Variants in CAMTA1 observed in about 807,000 individuals in gnomAD.
CAMTA1 encodes the protein calmodulin-binding transcription activator 1.
A neutral mutation model predicts 170.9 loss-of-function variants in CAMTA1; 27 were observed. That is an observed-to-expected ratio of 0.16 (90% CI 0.12 to 0.22). The LOEUF is 0.22. Ranked by LOEUF, CAMTA1 falls within the 10% of genes least tolerant of loss-of-function variation. CAMTA1 has a pLI of 1.00. For synonymous variants in CAMTA1, 833 were observed against 891.5 expected, an observed-to-expected ratio of 0.93 and a Z score of 1.17; for missense variants, 1,619 against 2,217.2, an observed-to-expected ratio of 0.73 and a Z score of 5.42.
At chr1:7,036,661 G>C (rs1703640822) in intron 3 of CAMTA1, among the ~76,000 whole-genome samples, 1 of 152,188 alleles carries the variant, frequency 6.6e-6, no homozygotes, top group African/African-American at 2.4e-5. Flanking sequence ...GAGGTGATTG[G>C]CTTGTTATCT....
chr1:7,664,707 G>A lies in CAMTA1; in HGVS notation c.2160G>A (p.Gln720=), dbSNP rs748443086. The A allele has an allele frequency of 1.4e-5, 22 of 1,608,470 alleles. No individual in the cohort carries two copies. Among genetic ancestry groups the A allele is most frequent in the Middle Eastern group, 3.3e-4 (2 of 6,072 alleles). ...CTTGCAGCTCTGAGCACTACCTGCAGCCGGAGACCAACGGGGTAATCCGAA... is the reference window on the plus strand; with the variant it reads ...CTTGCAGCTCTGAGCACTACCTGCAACCGGAGACCAACGGGGTAATCCGAA... ...LQACSSEHYL[Q]PETNGVIRSA... is the part of the protein sequence containing the mutation. The change falls in exon 9 of 23, where the codon CAG becomes CAA. Residue 720 remains glutamine, a synonymous_variant. Coordinates refer to ENST00000303635, the MANE Select transcript of CAMTA1 (RefSeq NM_015215.4).
intron 3 of CAMTA1, among the ~76,000 whole-genome samples, chr1:6,915,993 A>G (rs1177498825): frequency 1.3e-5 from 2 of 152,050 alleles, no homozygotes; most frequent in African/African-American, 4.8e-5. Context: ...GGTCCCTGGC[A>G]CTTGGAGTGG....
intron 4 of CAMTA1, among the ~76,000 whole-genome samples, chr1:7,220,058 C>T (rs1660464795): frequency 6.6e-6 from 1 of 152,194 alleles, no homozygotes; most frequent in Admixed American, 6.5e-5. Flanking sequence ...GTTTAAGCCA[C>T]CCAGCCTCTG....
chr1:7,286,228 G>C lies in CAMTA1; in HGVS notation c.438+36602G>C, dbSNP rs1672329819. ...GTGATTGGGCCCTGAAGGGTGAGGA[G>C]GAGCAGGTCAGGCAGAGATGGGCAT... On this transcript the variant is annotated intron_variant, in intron 5 of 22. Transcript: ENST00000303635. The surrounding 1 kb of genome is among the most constrained non-coding windows in gnomAD (Gnocchi z 4.2). Among the ~76,000 whole-genome samples the C allele has an allele frequency of 6.6e-6, 1 of 152,228 alleles. No individual in the cohort carries two copies. Among genetic ancestry groups the C allele is most frequent in the South Asian group, 2.1e-4 (1 of 4,828 alleles).
intron 5 of CAMTA1, among the ~76,000 whole-genome samples, chr1:7,359,330 C>T (rs1461513892): frequency 1.3e-5 from 2 of 152,156 alleles, no homozygotes; most frequent in Non-Finnish European, 2.9e-5. Flanking sequence ...ACCTGGACAG[C>T]ACCATTCCCA....
At chr1:7,028,435 T>C (rs907237109) in intron 3 of CAMTA1, among the ~76,000 whole-genome samples, 17 of 152,336 alleles carry the variant, frequency 1.1e-4, no homozygotes, top group South Asian at 1.0e-3. Context: ...TCTTGGTTTC[T>C]CCAACTTCTG....
At chr1:6,978,249 A>G (rs775508692) in intron 3 of CAMTA1, among the ~76,000 whole-genome samples, 8 of 152,254 alleles carry the variant, frequency 5.3e-5, no homozygotes, top group Non-Finnish European at 1.0e-4. Context: ...AACACAAAAG[A>G]TAAATGCTTG....
In CAMTA1 at chr1:7,476,261, C is replaced by T. The variant is rs764451222; in HGVS notation, c.510+8360C>T. ...GAGTGGCCAGGCCCTGACATTTGGG[C>T]CCTTGGATCCTTGCATGGACAGCAG... On this transcript the variant is annotated intron_variant, in intron 6 of 22. Coordinates refer to ENST00000303635, the MANE Select transcript of CAMTA1 (RefSeq NM_015215.4). 5.9e-5 allele frequency among the ~76,000 whole-genome samples: 9 copies of T among 152,202 alleles called. 1 individual carries two copies. Among genetic ancestry groups the T allele is most frequent in the Admixed American group, 2.0e-4 (3 of 15,286 alleles).
intron 5 of CAMTA1, among the ~76,000 whole-genome samples, chr1:7,428,188 G>A (rs919188536): frequency 2.0e-5 from 3 of 152,142 alleles, no homozygotes; most frequent in African/African-American, 7.2e-5. Context: ...GGAGACGTTG[G>A]TACTGTTGGG....
At chr1:6,933,268 C>T (rs1430669387) in intron 3 of CAMTA1, among the ~76,000 whole-genome samples, 2 of 152,042 alleles carry the variant, frequency 1.3e-5, no homozygotes, top group Non-Finnish European at 2.9e-5. Context: ...AATATTTTCT[C>T]CTGTGTTTTC....
In CAMTA1 at chr1:7,530,669, A is replaced by G. The variant is rs2094480411; in HGVS notation, c.510+62768A>G. Among the ~76,000 whole-genome samples, 3 of 152,150 alleles carry G rather than the reference A, an allele frequency of 2.0e-5. No individual in the cohort carries two copies. In the South Asian group the frequency reaches 6.2e-4, roughly 32 times the overall value. Reference sequence around the variant, plus strand: ...AGTCTCTGCCACTTTGAAGCTGCATATGGAGCACACAGTAGGGACTCATCA... The same window carrying G: ...AGTCTCTGCCACTTTGAAGCTGCATGTGGAGCACACAGTAGGGACTCATCA... On this transcript the variant is annotated intron_variant, in intron 6 of 22. Transcript: ENST00000303635.
chr1:7,029,372 G>T (rs1279117744), intron 3 of CAMTA1, among the ~76,000 whole-genome samples: 1 of 151,630 alleles, frequency 6.6e-6, no homozygotes, highest in Non-Finnish European at 1.5e-5. Flanking sequence ...CGTGGTGGCG[G>T]GTGCCTGTAG....
chr1:7,119,021 C>T (rs1644496391), intron 4 of CAMTA1, among the ~76,000 whole-genome samples: 2 of 152,314 alleles, frequency 1.3e-5, no homozygotes, highest in South Asian at 4.1e-4. Flanking sequence ...CCAGTAACTC[C>T]TGTATTTCCC....
intron 18 of CAMTA1, 123 bp downstream of exon 18, chr1:7,746,214 T>G (rs1009550733): frequency 1.7e-6 from 2 of 1,145,222 alleles, no homozygotes; most frequent in Admixed American, 2.7e-5. Flanking sequence ...TGTAGAATTT[T>G]TTTGGAAGTC....
chr1:7,317,671 A>G (rs1336936674), intron 5 of CAMTA1, among the ~76,000 whole-genome samples: 1 of 152,216 alleles, frequency 6.6e-6, no homozygotes, highest in African/African-American at 2.4e-5. Context: ...GCTGGATGAC[A>G]TCCACACGCA....
chr1:7,258,980 G>T (rs986934115), intron 5 of CAMTA1, among the ~76,000 whole-genome samples: 1 of 152,182 alleles, frequency 6.6e-6, no homozygotes, highest in African/African-American at 2.4e-5. Context: ...GGAAAACAGG[G>T]TGTAAATGAA....
At chr1:7,617,026 G>A (rs2095563468) in intron 6 of CAMTA1, among the ~76,000 whole-genome samples, 1 of 152,174 alleles carries the variant, frequency 6.6e-6, no homozygotes. Context: ...TTGAGCTCGT[G>A]GGGTAAAGTG....
chr1:7,263,543 C>T (rs1234388859), intron 5 of CAMTA1, among the ~76,000 whole-genome samples: 2 of 152,114 alleles, frequency 1.3e-5, no homozygotes, highest in East Asian at 3.8e-4. Flanking sequence ...GTGAATTATC[C>T]TCCGTTTCTT....
chr1:7,077,769 G>T (rs1414469374), intron 3 of CAMTA1, among the ~76,000 whole-genome samples: 4 of 152,104 alleles, frequency 2.6e-5, no homozygotes. Flanking sequence ...GCTGTACTTG[G>T]AGGCTGGAAG....
Sources: allele counts gnomAD v4.1 joint callset (sites outside exome capture counted in the v4.1 genomes callset), GRCh38; gene constraint gnomAD v4.1.1; non-coding constraint Gnocchi (gnomAD v3.1); transcripts MANE v1.5; gene names NCBI Gene and HGNC (gene_info 2026-07-23, HGNC 2026-07-21).